ATP8B4: variants seen among roughly 807,000 people sequenced by gnomAD.
ATP8B4 encodes the protein probable phospholipid-transporting ATPase IM.
ATP8B4 carries 133 observed loss-of-function variants against 145.6 expected under a neutral mutation model. The ratio of observed to expected loss-of-function variants is 0.91; its 90% confidence interval spans 0.79 to 1.05. ATP8B4 has a LOEUF of 1.05. ATP8B4 is among the 50% of genes least tolerant of loss of function. ATP8B4 has a pLI of 0.00. For synonymous variants in ATP8B4, 507 were observed against 492.9 expected, an observed-to-expected ratio of 1.03 and a Z score of -0.38; for missense variants, 1,458 against 1,425.2, an observed-to-expected ratio of 1.02 and a Z score of -0.37.
intron 14 of ATP8B4, among the ~76,000 whole-genome samples, chr15:49,940,059 A>G (rs1375828473): frequency 2.0e-5 from 3 of 152,222 alleles, no homozygotes; most frequent in Non-Finnish European, 4.4e-5. Flanking sequence ...TCTACCCAAA[A>G]GAAAATAAAT....
At chr15:50,124,766 G>C (rs762362196) in intron 1 of ATP8B4, among the ~76,000 whole-genome samples, 24 of 152,194 alleles carry the variant, frequency 1.6e-4, no homozygotes, top group Middle Eastern at 6.8e-3. Context: ...TACAGGGCTT[G>C]TTGTTATGCA....
chr15:49,868,998 TC>T (rs2033262038), intron 25 of ATP8B4, among the ~76,000 whole-genome samples: 1 of 152,176 alleles, frequency 6.6e-6, no homozygotes, highest in Admixed American at 6.5e-5. Context: ...GACCTCTGCC[TC>T]CTGGGTTCAA....
chr15:49,936,731 G>GTTGT (rs34851550), intron 14 of ATP8B4, among the ~76,000 whole-genome samples: 54,410 of 151,094 alleles, frequency 0.36, 10,345 homozygotes, highest in Non-Finnish European at 0.4. Context: ...TTATTTTTTG[G>GTTGT]TTGTTTGTTT....
intron 23 of ATP8B4, among the ~76,000 whole-genome samples, chr15:49,890,266 G>A (rs1322550391): frequency 6.6e-6 from 1 of 152,152 alleles, no homozygotes; most frequent in Non-Finnish European, 1.5e-5. Context: ...CTGCTGTCAG[G>A]ACTGGACAGA....
At chr15:50,117,695 T>G (rs2057195732) in intron 1 of ATP8B4, among the ~76,000 whole-genome samples, 1 of 152,222 alleles carries the variant, frequency 6.6e-6, no homozygotes, top group Admixed American at 6.5e-5. Flanking sequence ...TGAAGAGATA[T>G]CTGTACTCCC....
chr15:49,989,334 CATAAA>C (rs1287129668), intron 9 of ATP8B4, among the ~76,000 whole-genome samples: 1 of 151,908 alleles, frequency 6.6e-6, no homozygotes, highest in Non-Finnish European at 1.5e-5. Context: ...GCAAAATCTA[CATAAA>C]ATAACAGGTT....
chr15:49,902,246 C>T (rs1332577523), intron 20 of ATP8B4: 1 of 152,122 alleles, frequency 6.6e-6, no homozygotes, highest in Admixed American at 6.5e-5. Flanking sequence ...TGAGAGAAGA[C>T]CAGAAAGTGA....
At chr15:50,074,908 T>C (rs962523620) in intron 2 of ATP8B4, among the ~76,000 whole-genome samples, 2 of 152,190 alleles carry the variant, frequency 1.3e-5, no homozygotes, top group Non-Finnish European at 2.9e-5. Flanking sequence ...TCTTGCTCCA[T>C]GTTTACTGAA....
intron 20 of ATP8B4, among the ~76,000 whole-genome samples, chr15:49,912,464 A>T (rs944065680): frequency 2.0e-4 from 30 of 152,190 alleles, no homozygotes; most frequent in Non-Finnish European, 3.8e-4. Flanking sequence ...TCTAAGATTG[A>T]ATCAGGAAGA....
At chr15:50,095,252 G>A (rs1600346573) in intron 2 of ATP8B4, among the ~76,000 whole-genome samples, 1 of 152,004 alleles carries the variant, frequency 6.6e-6, no homozygotes, top group African/African-American at 2.4e-5. Context: ...AAATTTGCAG[G>A]TGTCCACCCA....
chr15:49,970,290 C>T (rs547059243), intron 13 of ATP8B4, among the ~76,000 whole-genome samples: 21 of 152,056 alleles, frequency 1.4e-4, no homozygotes, highest in Non-Finnish European at 2.2e-4. Flanking sequence ...GGCAAGAGAA[C>T]GAAATAAAGG....
chr15:50,023,480 C>T (rs2153583037), intron 6 of ATP8B4, among the ~76,000 whole-genome samples: 1 of 152,186 alleles, frequency 6.6e-6, no homozygotes, highest in South Asian at 2.1e-4. Flanking sequence ...AAACTCTAAT[C>T]CCTACATTTT....
chr15:49,968,803 C>T (rs1028282491), intron 13 of ATP8B4, among the ~76,000 whole-genome samples: 2 of 152,190 alleles, frequency 1.3e-5, no homozygotes, highest in African/African-American at 4.8e-5. Flanking sequence ...CTCTCCACCC[C>T]AAATCAACAG....
intron 20 of ATP8B4, among the ~76,000 whole-genome samples, chr15:49,910,740 C>A (rs917047139): frequency 6.6e-6 from 1 of 152,030 alleles, no homozygotes; most frequent in African/African-American, 2.4e-5. Context: ...AAATACTATA[C>A]CCAGCAAAGT....
At chr15:49,959,406 C>T (rs778161923) in intron 14 of ATP8B4, among the ~76,000 whole-genome samples, 16 of 151,556 alleles carry the variant, frequency 1.1e-4, no homozygotes, top group Admixed American at 2.6e-4. Flanking sequence ...GCACTAATGT[C>T]AGAAATGAAG....
chr15:50,078,840 T>C (rs1012243003), intron 2 of ATP8B4, among the ~76,000 whole-genome samples: 2 of 152,116 alleles, frequency 1.3e-5, no homozygotes, highest in African/African-American at 4.8e-5. Context: ...CTAGAAGACA[T>C]TGGAGTGATT....
chr15:49,875,085 C>A (rs1295400371), intron 25 of ATP8B4, among the ~76,000 whole-genome samples: 1 of 152,184 alleles, frequency 6.6e-6, no homozygotes, highest in Non-Finnish European at 1.5e-5. Flanking sequence ...CAGTTTCACA[C>A]ACACACATCT....
At chr15:49,917,164 G>A (rs930856530) in intron 19 of ATP8B4, 125 bp from the exon 20 acceptor site, 2 of 790,020 alleles carry the variant, frequency 2.5e-6, no homozygotes, top group Admixed American at 4.8e-5. Context: ...GTCAGAGAGA[G>A]CACAACAGGT....
At chr15:50,156,414 T>C (rs576953558) in intron 1 of ATP8B4, among the ~76,000 whole-genome samples, 1 of 152,118 alleles carries the variant, frequency 6.6e-6, no homozygotes, top group African/African-American at 2.4e-5. Flanking sequence ...TAAATTTACA[T>C]TTCCAAAAGC....
Sources: gnomAD v4.1 joint callset for allele counts (sites outside exome capture counted in the v4.1 genomes callset) on GRCh38, gnomAD v4.1.1 for gene constraint, MANE v1.5 for transcripts, NCBI Gene and HGNC (gene_info 2026-07-23, HGNC 2026-07-21) for gene names.